Variants in ASIP observed in about 807,000 individuals in gnomAD.
ASIP encodes the protein agouti-signaling protein.
A neutral mutation model predicts 10.3 loss-of-function variants in ASIP; 11 were observed. The observed-to-expected ratio is 1.07, with a 90% CI of 0.68 to 1.78. ASIP has a LOEUF of 1.78. Among genes scored for constraint, ASIP ranks in the 40% most tolerant of loss-of-function variants. The pLI is 0.00. For synonymous variants in ASIP, 70 were observed against 70.8 expected (o/e 0.99, Z 0.06); for missense variants, 180 against 169.2 (o/e 1.06, Z -0.35).
rs1197592798 is a variant in ASIP at position 34,269,119 on chromosome 20, C to G, written c.351C>G (p.Arg117=). 11 of 1,560,468 alleles carry G rather than the reference C, an allele frequency of 7.0e-6. No homozygotes were observed. Among genetic ancestry groups the G allele is most frequent in the African/African-American group, 1.4e-5 (1 of 73,344 alleles). ...ACCCGTGCGCCTCCTGCCAGTGCCG[C>G]TTCTTCCGCAGCGCCTGCTCCTGCC... ...CCDPCASCQC[R]FFRSACSCRV... Residue 117 remains arginine (R), a synonymous_variant, in exon 4 of 4, where the codon CGC becomes CGG. Transcript: ENST00000374954.
At chr20:34,210,398 G>A (rs1219684580) in intron 1 of ASIP, among the ~76,000 whole-genome samples, 1 of 152,244 alleles carries the variant, frequency 6.6e-6, no homozygotes, top group Non-Finnish European at 1.5e-5. Context: ...CTTGCAGTGT[G>A]TCTGGTCCAG....
At chr20:34,247,474 T>C (rs955384131) in intron 1 of ASIP, among the ~76,000 whole-genome samples, 1 of 151,592 alleles carries the variant, frequency 6.6e-6, no homozygotes, top group Non-Finnish European at 1.5e-5. Context: ...CTAATTTTTG[T>C]ATTTTTGTAG....
At chr20:34,258,695 A>ATATATAT (rs1568768712) in intron 1 of ASIP, among the ~76,000 whole-genome samples, 6 of 15,542 alleles carry the variant, frequency 3.9e-4, no homozygotes, top group Admixed American at 2.9e-3. Flanking sequence ...ATATATACAT[A>ATATATAT]CTATATATAT....
At chr20:34,205,538 A>C (rs1302411867) in intron 1 of ASIP, among the ~76,000 whole-genome samples, 2 of 151,242 alleles carry the variant, frequency 1.3e-5, no homozygotes, top group Non-Finnish European at 2.9e-5. Context: ...GAAGAGCGAA[A>C]GAACAAAGCT....
At chr20:34,246,642 G>A in intron 1 of ASIP, 3 of 570,396 alleles carry the variant, frequency 5.3e-6, no homozygotes, top group Non-Finnish European at 9.7e-6. Flanking sequence ...ATTTTTGGTA[G>A]AGATGGGGTT....
At chr20:34,189,934 C>T (rs2034815232), upstream of ASIP, among the ~76,000 whole-genome samples, 1 of 152,206 alleles carries the variant, frequency 6.6e-6, no homozygotes, top group Non-Finnish European at 1.5e-5. Flanking sequence ...GTCCGGTGGA[C>T]TGCTGCCTGT....
At chr20:34,215,742 G>T in intron 1 of ASIP, 1 of 1,471,450 alleles carries the variant, frequency 6.8e-7, no homozygotes, top group Non-Finnish European at 9.5e-7. Flanking sequence ...AACTTTACAT[G>T]ATCATCACTA....
chr20:34,219,999 A>T (rs1275366821), intron 1 of ASIP, among the ~76,000 whole-genome samples: 1 of 151,998 alleles, frequency 6.6e-6, no homozygotes, highest in Non-Finnish European at 1.5e-5. Context: ...CTGAGGCAGG[A>T]GAATGGCATG....
At chr20:34,215,333 A>G (rs1272266492) in intron 1 of ASIP, 2 of 1,573,192 alleles carry the variant, frequency 1.3e-6, no homozygotes, top group Non-Finnish European at 1.7e-6. Context: ...ATTTGGTACC[A>G]TGATTCCACC....
At chr20:34,190,721 C>T (rs1026356437), upstream of ASIP, among the ~76,000 whole-genome samples, 16 of 152,188 alleles carry the variant, frequency 1.1e-4, no homozygotes, top group African/African-American at 3.9e-4. Flanking sequence ...ACACACACAT[C>T]CCATGCAGTC....
chr20:34,215,857 A>T, intron 1 of ASIP: 1 of 1,266,678 alleles, frequency 7.9e-7, no homozygotes, highest in Non-Finnish European at 1.2e-6. Context: ...CTGAATCAGC[A>T]TTTGGATTTA....
chr20:34,236,314 C>T (rs1487976818), intron 1 of ASIP, among the ~76,000 whole-genome samples: 1 of 151,726 alleles, frequency 6.6e-6, no homozygotes, highest in Non-Finnish European at 1.5e-5. Flanking sequence ...CCGAAGCGGG[C>T]AGATCACCTG....
At chr20:34,189,511 G>A in the ASIP span, among the ~76,000 whole-genome samples, 1 of 151,924 alleles carries the variant, frequency 6.6e-6, no homozygotes, top group African/African-American at 2.4e-5. Context: ...CAAAGTGCTG[G>A]GATTACAGGC....
At chr20:34,264,812 T>TA (rs1199856825) in intron 3 of ASIP, among the ~76,000 whole-genome samples, 10 of 149,242 alleles carry the variant, frequency 6.7e-5, no homozygotes, top group Admixed American at 2.7e-4. Flanking sequence ...TTTTTTTTTT[T>TA]AGAAATGGGG....
intron 1 of ASIP, among the ~76,000 whole-genome samples, chr20:34,200,807 AT>A (rs2034887158): frequency 6.6e-6 from 1 of 152,248 alleles, no homozygotes; most frequent in South Asian, 2.1e-4. Context: ...GACATACTGT[AT>A]CTTTTTGTTC....
rs1203062393 is a variant in ASIP, at chr20:34,217,451, A to G, written c.-11+22691A>G. 2.6e-5 allele frequency among the ~76,000 whole-genome samples: 4 copies of G among 151,926 alleles called. No individual in the cohort carries two copies. In the East Asian group the frequency reaches 5.8e-4, roughly 22 times the overall value. The stretch of plus-strand genomic sequence containing the variant: ...AGACTCCAACTCAAAAAAAGAAAAA[A>G]AGAAAAAGAAAGCCTGGGGATATTT... On this transcript the variant is annotated intron_variant, in intron 1 of 3. Coordinates refer to the ASIP transcript ENST00000568305.
chr20:34,236,121 G>A (rs2035206662), intron 1 of ASIP, among the ~76,000 whole-genome samples: 1 of 148,752 alleles, frequency 6.7e-6, no homozygotes. Context: ...AAGGAAAGGA[G>A]TGGAAAGGAA....
chr20:34,251,525 C>T (rs750277353), intron 1 of ASIP, among the ~76,000 whole-genome samples: 3 of 152,240 alleles, frequency 2.0e-5, no homozygotes, highest in African/African-American at 7.2e-5. Flanking sequence ...CCGTCCGCCT[C>T]GGCCTCCCAA....
chr20:34,196,860 A>G (rs1568743271), intron 1 of ASIP, among the ~76,000 whole-genome samples: 1 of 152,224 alleles, frequency 6.6e-6, no homozygotes, highest in Non-Finnish European at 1.5e-5. Context: ...GGATCCAGCT[A>G]TAAATTGCCT....
Sources: allele counts gnomAD v4.1 joint callset (sites outside exome capture counted in the v4.1 genomes callset), GRCh38; gene constraint gnomAD v4.1.1; transcripts MANE v1.5; gene names NCBI Gene and HGNC (gene_info 2026-07-23, HGNC 2026-07-21).